The following PAK4 variants were observed in gnomAD, a reference collection of about 807,000 sequenced individuals.
PAK4 encodes p21 (RAC1) activated kinase 4.
Under a neutral mutation model 53.5 loss-of-function variants are expected in PAK4, and 49 were observed. The observed-to-expected ratio is 0.92, with a 90% CI of 0.73 to 1.16. The LOEUF is 1.16. PAK4 is among the 50% of genes most tolerant of loss of function. PAK4 has a pLI of 0.00. For synonymous variants in PAK4, 376 were observed against 375.6 expected (o/e 1.00, Z -0.01); for missense variants, 824 against 850.7 (o/e 0.97, Z 0.39).
At chr19:39,170,017 G>T (rs1462157520) in intron 2 of PAK4, among the ~76,000 whole-genome samples, 7 of 152,034 alleles carry the variant, frequency 4.6e-5, no homozygotes, top group Admixed American at 6.5e-5. Flanking sequence ...CAGCCTCCAA[G>T]CTCTGCTGTC....
At chr19:39,174,298 G>A (rs905899019) in intron 4 of PAK4, among the ~76,000 whole-genome samples, 13 of 151,516 alleles carry the variant, frequency 8.6e-5, no homozygotes, top group Admixed American at 5.9e-4. Context: ...ACTGAGGCCC[G>A]CCTGGGCTCC....
chr19:39,126,851 A>G (rs191150485), intron 1 of PAK4, among the ~76,000 whole-genome samples: 2 of 152,268 alleles, frequency 1.3e-5, no homozygotes, highest in Admixed American at 6.5e-5. Context: ...AGATGAACCT[A>G]CTTTACAGAC....
intron 1 of PAK4, among the ~76,000 whole-genome samples, chr19:39,135,802 A>G (rs2073802635): frequency 1.6e-5 from 2 of 121,992 alleles, no homozygotes; most frequent in African/African-American, 5.6e-5. Context: ...ATCTTCCCAC[A>G]GTGACCCCAT....
intron 1 of PAK4, among the ~76,000 whole-genome samples, chr19:39,146,833 T>A (rs2074005584): frequency 6.8e-6 from 1 of 148,090 alleles, no homozygotes; most frequent in Non-Finnish European, 1.5e-5. Flanking sequence ...ATTAAGGCTC[T>A]GTTGCAAAAG....
In PAK4 at chr19:39,175,151, G is replaced by T; in HGVS notation, c.1232+87G>T. 1 of 1,528,192 alleles carries T rather than the reference G, an allele frequency of 6.5e-7. No individual in the cohort carries two copies. Among genetic ancestry groups the T allele is most frequent in the Non-Finnish European group, 8.9e-7 (1 of 1,126,118 alleles). 94.7% of individuals were successfully genotyped at this position (1,528,192 alleles called of 1,614,324 possible). A position where few individuals can be genotyped will look rare whatever the true frequency, so the allele number is the denominator to read the frequency against. On this transcript the variant is annotated intron_variant, in intron 5 of 8. Coordinates refer to ENST00000358301, the Ensembl canonical transcript of PAK4. This position sits in a 1 kb window ranked among gnomAD's most constrained non-coding sequence, Gnocchi z 4.7. ...GTGGGGCCACATCTCCAAACCAGCT[G>T]TGCTCCGGGCCCCTGGGATGGGGTC...
intron 1 of PAK4, among the ~76,000 whole-genome samples, chr19:39,141,669 C>T (rs1357016264): frequency 6.6e-6 from 1 of 151,882 alleles, no homozygotes; most frequent in Admixed American, 6.6e-5. Flanking sequence ...GAGTCTCACT[C>T]TGTCTCCCAG....
chr19:39,131,633 T>C (rs1257818662), intron 1 of PAK4, among the ~76,000 whole-genome samples: 1 of 152,142 alleles, frequency 6.6e-6, no homozygotes, highest in African/African-American at 2.4e-5. Context: ...CACTCTCCCA[T>C]CCCAGGGGAG....
chr19:39,137,791 G>A (rs112571653), intron 1 of PAK4, among the ~76,000 whole-genome samples: 9 of 151,256 alleles, frequency 6.0e-5, no homozygotes, highest in South Asian at 2.1e-4. Flanking sequence ...CTCAGCCTCC[G>A]GAGTAGCTGG....
chr19:39,133,239 G>C (rs956402427), intron 1 of PAK4, among the ~76,000 whole-genome samples: 1 of 152,192 alleles, frequency 6.6e-6, no homozygotes, highest in African/African-American at 2.4e-5. Flanking sequence ...TTGTTTTGAG[G>C]ATCTAAATGT....
In PAK4 at chr19:39,169,539, C is replaced by G. The variant is rs690929; in HGVS notation, c.-15C>G. The stretch of plus-strand genomic sequence containing the variant: ...CGTGATTCCCTCCCGCAGGCCGCAC[C>G]GAGTCCCCGGCACCATGTTTGGGAA... On this transcript the variant is annotated 5_prime_UTR_variant, in exon 2 of 9. Coordinates refer to ENST00000358301, the Ensembl canonical transcript of PAK4. 7,172 of 1,610,242 alleles carry G rather than the reference C, an allele frequency of 4.5e-3. 228 individuals are homozygous for G. The African/African-American group carries it at 0.077, about 17-fold the overall frequency.
chr19:39,126,767 C>G (rs1363839597), intron 1 of PAK4, among the ~76,000 whole-genome samples: 1 of 152,184 alleles, frequency 6.6e-6, no homozygotes, highest in Non-Finnish European at 1.5e-5. Flanking sequence ...TTAATGAGGG[C>G]TCACACTGTG....
At chr19:39,182,139 CACCCTAGGGTCCTTCCGTCT>C (rs2074705855), downstream of PAK4, 1 of 152,228 alleles carries the variant, frequency 6.6e-6, no homozygotes, top group African/African-American at 2.4e-5. Context: ...AAGTCATCAG[CACCCTAGGGTCCTTCCGTCT>C]TTTTCCTTCC....
chr19:39,171,689 C>CA (rs1214039092), intron 2 of PAK4, among the ~76,000 whole-genome samples: 2 of 152,198 alleles, frequency 1.3e-5, no homozygotes, highest in Non-Finnish European at 2.9e-5. Flanking sequence ...GGATGCCTGG[C>CA]AGCCCCAGGC....
chr19:39,143,683 T>C (rs544173163), intron 1 of PAK4, among the ~76,000 whole-genome samples: 12 of 142,458 alleles, frequency 8.4e-5, no homozygotes, highest in African/African-American at 2.8e-4. Flanking sequence ...GTGGCTCACA[T>C]CCCAGCACTC....
chr19:39,155,798 G>A (rs2074170585), intron 1 of PAK4, among the ~76,000 whole-genome samples: 1 of 152,136 alleles, frequency 6.6e-6, no homozygotes, highest in South Asian at 2.1e-4. Flanking sequence ...CCGCCTCTCC[G>A]CGCCTCAGTT....
At chr19:39,142,551 C>A (rs538928233) in intron 1 of PAK4, among the ~76,000 whole-genome samples, 1 of 151,858 alleles carries the variant, frequency 6.6e-6, no homozygotes, top group Non-Finnish European at 1.5e-5. Flanking sequence ...AGGCTCGGGT[C>A]CCCCCTTCCC....
chr19:39,127,301 A>G (rs1348220296), intron 1 of PAK4, among the ~76,000 whole-genome samples: 1 of 151,654 alleles, frequency 6.6e-6, no homozygotes, highest in East Asian at 1.9e-4. Flanking sequence ...ACTGTTCTCC[A>G]ACTCCAGGCC....
chr19:39,159,138 CA>C (rs1461518159), intron 1 of PAK4, among the ~76,000 whole-genome samples: 1 of 152,116 alleles, frequency 6.6e-6, no homozygotes, highest in Admixed American at 6.6e-5. Flanking sequence ...GTCACTTGTC[CA>C]GGGGCACACA....
At chr19:39,129,934 A>ATC (rs2073668545) in intron 1 of PAK4, among the ~76,000 whole-genome samples, 1 of 152,126 alleles carries the variant, frequency 6.6e-6, no homozygotes, top group Admixed American at 6.5e-5. Flanking sequence ...CTTTCTGTGT[A>ATC]TCTGACTGTT....
Sources: allele counts gnomAD v4.1 joint callset (sites outside exome capture counted in the v4.1 genomes callset), GRCh38; gene constraint gnomAD v4.1.1; non-coding constraint Gnocchi (gnomAD v3.1); transcripts MANE v1.5; gene names NCBI Gene and HGNC (gene_info 2026-07-23, HGNC 2026-07-21).